KDM5B: variants seen among roughly 807,000 people sequenced by gnomAD.
KDM5B encodes the protein lysine-specific demethylase 5B.
Under a neutral mutation model 193.4 loss-of-function variants are expected in KDM5B, and 144 were observed. The observed-to-expected ratio is 0.74, with a 90% CI of 0.65 to 0.86. The LOEUF (loss-of-function observed/expected upper bound fraction) is 0.86. Ranked by LOEUF, KDM5B falls within the 40% of genes least tolerant of loss-of-function variation. KDM5B has a pLI of 0.00. For synonymous variants in KDM5B, 668 were observed against 682.6 expected (o/e 0.98, Z 0.33); for missense variants, 1,833 against 1,886.9 (o/e 0.97, Z 0.53).
intron 1 of KDM5B, among the ~76,000 whole-genome samples, chr1:202,785,431 T>C (rs1403507146): frequency 6.6e-6 from 1 of 152,068 alleles, no homozygotes; most frequent in African/African-American, 2.4e-5. Flanking sequence ...AAAATAGATG[T>C]CAAAGAGGAC....
At position 202,798,861 on chromosome 1, in the gene KDM5B, A is replaced by G. The variant is rs114833944; in HGVS notation, c.204+9241T>C. The stretch of plus-strand genomic sequence containing the variant: ...CACAGCAAGACCCTGTCCCTAAAAA[A>G]AAATAATAATTCTGGGTGTGGTGGC... On this transcript the variant is annotated intron_variant, in intron 1 of 26. Coordinates refer to ENST00000367265, the MANE Select transcript of KDM5B (RefSeq NM_006618.5). Among the ~76,000 whole-genome samples the G allele has an allele frequency of 7.8e-3, 1,186 of 152,276 alleles. 18 individuals carry two copies. Among genetic ancestry groups the G allele is most frequent in the African/African-American group, 0.027 (1,121 of 41,554 alleles).
At chr1:202,801,779 C>T (rs748013952) in intron 1 of KDM5B, among the ~76,000 whole-genome samples, 5 of 152,122 alleles carry the variant, frequency 3.3e-5, no homozygotes, top group Non-Finnish European at 5.9e-5. Flanking sequence ...TTTTATAAAT[C>T]CAGTTATTAG....
Position 202,749,152 on chromosome 1 carries a change from A to G in KDM5B, c.1822-13T>C. On this transcript the variant is annotated splice_polypyrimidine_tract_variant and intron_variant, in intron 13 of 26. Coordinates refer to ENST00000367265, the MANE Select transcript of KDM5B (RefSeq NM_006618.5). ...GGCCTAATGGCAGCTGTATCAAAACACGGAAAGAAAAAAATAACATTCATC... is the reference window on the plus strand; with the variant it reads ...GGCCTAATGGCAGCTGTATCAAAACGCGGAAAGAAAAAAATAACATTCATC... 1 of 1,599,550 alleles carries G rather than the reference A, an allele frequency of 6.3e-7. No homozygotes were observed. The highest frequency in any genetic ancestry group is 1.1e-5 in the South Asian group (1 of 88,938).
At chr1:202,756,941 C>A (rs546620733) in intron 9 of KDM5B, among the ~76,000 whole-genome samples, 1 of 152,290 alleles carries the variant, frequency 6.6e-6, no homozygotes, top group Non-Finnish European at 1.5e-5. Context: ...ATTCTTTTCA[C>A]TGGACCTGTC....
At chr1:202,732,289 A>T (rs1654916356) in intron 23 of KDM5B, 2 of 220,662 alleles carry the variant, frequency 9.1e-6, no homozygotes, top group Non-Finnish European at 8.9e-6. Flanking sequence ...CGATGAACAC[A>T]TATGTACCCC....
rs563845010 is a variant in KDM5B at position 202,774,040 on chromosome 1, G to C, written c.405+573C>G. 2.6e-5 allele frequency among the ~76,000 whole-genome samples: 4 copies of C among 151,958 alleles called. No individual in the cohort carries two copies. The South Asian group carries it at 8.3e-4, about 32-fold the overall frequency. On this transcript the variant is annotated intron_variant, in intron 3 of 26. Coordinates refer to ENST00000367265, the MANE Select transcript of KDM5B (RefSeq NM_006618.5). ...GCATGAGCCACCACGCCCGGCCATG[G>C]CTCAGCATTTTTTTACCTTTTTATC...
intron 1 of KDM5B, among the ~76,000 whole-genome samples, chr1:202,803,486 C>T (rs1298471541): frequency 2.6e-5 from 4 of 152,096 alleles, no homozygotes; most frequent in African/African-American, 9.7e-5. Flanking sequence ...AGCTAAACAC[C>T]CATTCAATAA....
At chr1:202,745,789 ACTTTAATT>A (rs1476290887) in intron 16 of KDM5B, 61 bp downstream of exon 16, 1 of 1,563,962 alleles carries the variant, frequency 6.4e-7, no homozygotes, top group African/African-American at 1.4e-5. Flanking sequence ...TGTTTTGTTG[ACTTTAATT>A]TGGCTACATC....
chr1:202,779,843 A>ATAAATAAT (rs1657126842), intron 1 of KDM5B, among the ~76,000 whole-genome samples: 1 of 149,130 alleles, frequency 6.7e-6, no homozygotes, highest in African/African-American at 2.4e-5. Context: ...AAATAAATAA[A>ATAAATAAT]TAAAAAATAA....
chr1:202,782,007 C>T (rs1572762254), intron 1 of KDM5B, among the ~76,000 whole-genome samples: 1 of 151,216 alleles, frequency 6.6e-6, no homozygotes, highest in African/African-American at 2.4e-5. Context: ...TGAATATATA[C>T]ACAATATACT....
At chr1:202,731,213 T>C in intron 24 of KDM5B, 150 bp from the exon 25 acceptor site, 1 of 610,660 alleles carries the variant, frequency 1.6e-6, no homozygotes, top group Non-Finnish European at 2.7e-6. Context: ...TGAAGTGAGG[T>C]TTAATGTGCC....
At chr1:202,793,472 T>C (rs577828053) in intron 1 of KDM5B, among the ~76,000 whole-genome samples, 1 of 152,302 alleles carries the variant, frequency 6.6e-6, no homozygotes, top group African/African-American at 2.4e-5. Flanking sequence ...CCTTCCCTCT[T>C]TGGGCCTCAC....
chr1:202,741,699 ATCT>A lies in KDM5B; in HGVS notation c.2610_2612del (p.Glu870del). On this transcript the variant is annotated inframe_deletion, in exon 19 of 27. Coordinates refer to ENST00000367265, the MANE Select transcript of KDM5B (RefSeq NM_006618.5). ...GTAGTTTCTGACTATGCTGTTGAAA[ATCT>A]TCTACACGATTCAAGAGATCCTAAA... 1 of 1,610,742 alleles carries A rather than the reference ATCT, an allele frequency of 6.2e-7. No individual in the cohort carries two copies. Among genetic ancestry groups the A allele is most frequent in the Non-Finnish European group, 8.5e-7 (1 of 1,178,262 alleles).
intron 4 of KDM5B, chr1:202,767,445 G>C (rs1558502004): frequency 7.9e-7 from 1 of 1,273,204 alleles, no homozygotes; most frequent in African/African-American, 1.5e-5. Context: ...CTCTGCGAAA[G>C]GTGCAGAGAC....
intron 26 of KDM5B, chr1:202,729,375 TG>T (rs775338298): frequency 7.8e-6 from 5 of 641,114 alleles, no homozygotes; most frequent in Admixed American, 2.8e-5. Context: ...CTTCAAGTCG[TG>T]TCTGCTTTGG....
At position 202,725,940 on chromosome 1, in the gene KDM5B, G is replaced by A. The variant is rs1572698456; in HGVS notation, c.*3096C>T. On this transcript the variant is annotated 3_prime_UTR_variant, in exon 27 of 27. Coordinates refer to ENST00000367265, the MANE Select transcript of KDM5B (RefSeq NM_006618.5). ...AATACCTGCTCCAAGCCAGAAGCAG[G>A]TCTTAACAGACTGCCAAATATCCAT... The A allele has an allele frequency of 6.6e-6, 1 of 152,174 alleles. No homozygotes were observed. Among genetic ancestry groups the A allele is most frequent in the East Asian group, 1.9e-4 (1 of 5,200 alleles). The allele number at this position is 152,174 out of a possible 1,614,324, so 9.4% of individuals were successfully genotyped here.
In KDM5B at chr1:202,773,188, G is replaced by A; in HGVS notation, c.506C>T (p.Ser169Leu). ...MGFAPGKAVGSHIRGHYERIL... is the reference protein window; with the variant it reads ...MGFAPGKAVGLHIRGHYERIL... ...TCGTTCATAATGCCCTCTGATATGT[G>A]AGCCCACTGCTTTGCCAGGAGCAAA... The change falls in exon 4 of 27, where the codon TCA becomes TTA. Residue 169 changes from serine to leucine, a missense_variant. By Grantham distance (145) the Ser-to-Leu change is moderately radical (BLOSUM62 -2). Coordinates refer to ENST00000367265, the MANE Select transcript of KDM5B (RefSeq NM_006618.5). 1 of 1,613,550 alleles carries A rather than the reference G, an allele frequency of 6.2e-7. No homozygotes were observed. The highest frequency in any genetic ancestry group is 8.5e-7 in the Non-Finnish European group (1 of 1,179,492).
chr1:202,792,227 G>A (rs1657669251), intron 1 of KDM5B, among the ~76,000 whole-genome samples: 1 of 151,190 alleles, frequency 6.6e-6, no homozygotes, highest in Non-Finnish European at 1.5e-5. Context: ...TATATTTTGA[G>A]GGATTTTGGT....
At chr1:202,755,250 G>A (rs1331125540) in intron 11 of KDM5B, 21 bp downstream of exon 11, 4 of 1,604,318 alleles carry the variant, frequency 2.5e-6, no homozygotes, top group Non-Finnish European at 3.4e-6. Context: ...CTACTCATGG[G>A]TTCTTTTTGG....
Sources: gnomAD v4.1 joint callset for allele counts (sites outside exome capture counted in the v4.1 genomes callset) on GRCh38, gnomAD v4.1.1 for gene constraint, MANE v1.5 for transcripts, NCBI Gene and HGNC (gene_info 2026-07-23, HGNC 2026-07-21) for gene names.